Variants in GCA observed in about 807,000 individuals in gnomAD.
The protein encoded by GCA is grancalcin.
Under a neutral mutation model 32.6 loss-of-function variants are expected in GCA, and 30 were observed. The ratio of observed to expected loss-of-function variants is 0.92; its 90% CI spans 0.69 to 1.25. GCA has a LOEUF of 1.25. Among genes scored for constraint, GCA ranks in the 50% most tolerant of loss-of-function variants. GCA has a pLI of 0.00. For missense variants in GCA, 291 were observed against 266.8 expected (o/e 1.09, Z -0.63); for synonymous variants, 102 against 84.6 (o/e 1.21, Z -1.13).
Position 162,347,693 on chromosome 2 carries a change from C to T in GCA, c.143C>T (p.Ser48Phe). 1.9e-6 allele frequency: 3 copies of T among 1,607,270 alleles called. No homozygotes were observed. Among genetic ancestry groups the T allele is most frequent in the Non-Finnish European group, 2.6e-6 (3 of 1,175,638 alleles). The change falls in exon 2 of 8, where the codon TCC becomes TTC. Residue 48 changes from serine (S) to phenylalanine (F), a missense_variant. Ser to Phe is a radical substitution (Grantham distance 155). Coordinates refer to ENST00000437150, the MANE Select transcript of GCA (RefSeq NM_012198.5). ...YSGPAYSDTY[S>F]SAGDSVYTYF... Reference sequence around the variant, plus strand: ...GGGCCAGCATATTCAGACACTTATTCCTCAGCTGGTGACTCCGTGTATACT... The same window carrying T: ...GGGCCAGCATATTCAGACACTTATTTCTCAGCTGGTGACTCCGTGTATACT...
intron 2 of GCA, 84 bp downstream of exon 2, chr2:162,347,826 A>G (rs1684786961): frequency 1.2e-5 from 9 of 772,334 alleles, no homozygotes; most frequent in Non-Finnish European, 1.7e-5. Flanking sequence ...ATCATTTTAA[A>G]TGTATATGAA....
At chr2:162,364,827 T>C (rs1485210333), downstream of GCA, among the ~76,000 whole-genome samples, 1 of 151,652 alleles carries the variant, frequency 6.6e-6, no homozygotes, top group East Asian at 1.9e-4. Context: ...ACGTATGTTA[T>C]AAAAAGTTAT....
upstream of GCA, among the ~76,000 whole-genome samples, chr2:162,341,832 A>C (rs1054468012): frequency 2.0e-5 from 3 of 152,224 alleles, no homozygotes; most frequent in African/African-American, 7.2e-5. Flanking sequence ...ATGCAACTGC[A>C]TTTGTGGGTA....
intron 2 of GCA, among the ~76,000 whole-genome samples, chr2:162,351,571 A>G (rs1296811487): frequency 1.3e-5 from 2 of 152,174 alleles, no homozygotes; most frequent in African/African-American, 4.8e-5. Context: ...AATATTTCTT[A>G]GAAGTAGTTT....
In GCA at chr2:162,362,460, T is replaced by C; in HGVS notation, c.*2217T>C. 3 of 964,394 alleles carry C rather than the reference T, an allele frequency of 3.1e-6. No homozygotes were observed. The highest frequency in any genetic ancestry group is 3.7e-6 in the Non-Finnish European group (3 of 810,936). 59.7% of individuals were successfully genotyped at this position (964,394 alleles called of 1,614,324 possible). ...GATATTTTTATGATGAACATGACTG[T>C]AATATGAATATAGTATAGTAGTTTG... On this transcript the variant is annotated 3_prime_UTR_variant, in exon 8 of 8. Coordinates refer to ENST00000437150, the MANE Select transcript of GCA (RefSeq NM_012198.5).
intron 1 of GCA, among the ~76,000 whole-genome samples, chr2:162,328,218 CAAAAAAAAAAAAAA>C: frequency 1.1e-5 from 1 of 90,048 alleles, no homozygotes; most frequent in East Asian, 3.5e-4. Context: ...CTGTTTCTAC[CAAAAAAAAAAAAAA>C]AAAAAAAAAA....
chr2:162,326,668 C>T (rs1209557761), intron 1 of GCA, among the ~76,000 whole-genome samples: 1 of 152,196 alleles, frequency 6.6e-6, no homozygotes, highest in Non-Finnish European at 1.5e-5. Flanking sequence ...AGGCAAGCCC[C>T]ACCATGCCCA....
At chr2:162,346,803 C>T (rs1478881199) in intron 1 of GCA, 3 of 152,152 alleles carry the variant, frequency 2.0e-5, no homozygotes, top group African/African-American at 7.2e-5. Flanking sequence ...TTTTCATGTC[C>T]AAGCCTTTCA....
At chr2:162,356,004 C>T (rs998792628) in intron 3 of GCA, among the ~76,000 whole-genome samples, 5 of 151,924 alleles carry the variant, frequency 3.3e-5, no homozygotes, top group Admixed American at 1.3e-4. Flanking sequence ...CCCTCATTTG[C>T]CTTTCTGATG....
chr2:162,334,024 G>C (rs187101512), intron 1 of GCA, among the ~76,000 whole-genome samples: 1 of 152,284 alleles, frequency 6.6e-6, no homozygotes, highest in Admixed American at 6.5e-5. Flanking sequence ...CTTTGAAGAG[G>C]TGGCAGGGAC....
At chr2:162,359,413 C>A (rs1311783708) in intron 6 of GCA, 81 bp from the exon 7 acceptor site, 4 of 650,414 alleles carry the variant, frequency 6.1e-6, no homozygotes, top group Non-Finnish European at 5.3e-6. Flanking sequence ...TGAAATTATT[C>A]TTTTTGTGTA....
chr2:162,344,601 T>C (rs1684587591), intron 1 of GCA: 2 of 422,498 alleles, frequency 4.7e-6, no homozygotes, highest in East Asian at 8.1e-5. Context: ...TTTGTGGTAC[T>C]TCCCTCCCCC....
intron 2 of GCA, among the ~76,000 whole-genome samples, chr2:162,351,766 C>A (rs1685012772): frequency 6.6e-6 from 1 of 152,046 alleles, no homozygotes; most frequent in South Asian, 2.1e-4. Flanking sequence ...AATACTCAAC[C>A]TATTTCATTT....
downstream of GCA, chr2:162,373,764 T>G: frequency 7.4e-6 from 5 of 675,762 alleles, no homozygotes; most frequent in Non-Finnish European, 1.1e-5. Flanking sequence ...AATTATGGCC[T>G]TGCTTTAAAC....
chr2:162,331,809 G>A (rs1684094031), intron 1 of GCA, among the ~76,000 whole-genome samples: 1 of 152,164 alleles, frequency 6.6e-6, no homozygotes, highest in Non-Finnish European at 1.5e-5. Context: ...CTGAGCAGGA[G>A]AATTTGGAAA....
chr2:162,360,740 A>G lies in GCA; in HGVS notation c.*497A>G, dbSNP rs1337745650. 17 of 1,400,416 alleles carry G rather than the reference A, an allele frequency of 1.2e-5. No homozygotes were observed. In the East Asian group the frequency reaches 4.7e-4, roughly 39 times the overall value. 86.7% of individuals were successfully genotyped at this position (1,400,416 alleles called of 1,614,324 possible). ...AATATAGTTTGTTCCTTGATCAAAT[A>G]ATCAGAGAAAAGAAACTTAAAGATC... is the stretch of plus-strand genomic sequence containing the variant. On this transcript the variant is annotated 3_prime_UTR_variant, in exon 8 of 8. Coordinates refer to ENST00000437150, the MANE Select transcript of GCA (RefSeq NM_012198.5).
At chr2:162,342,644 T>A (rs909411653), upstream of GCA, among the ~76,000 whole-genome samples, 1 of 152,204 alleles carries the variant, frequency 6.6e-6, no homozygotes, top group Non-Finnish European at 1.5e-5. Flanking sequence ...AAGAAACCCA[T>A]GGGGCCTTAA....
At chr2:162,365,277 G>T (rs1685716272), downstream of GCA, among the ~76,000 whole-genome samples, 1 of 151,180 alleles carries the variant, frequency 6.6e-6, no homozygotes, top group South Asian at 2.1e-4. Flanking sequence ...AATACAACTT[G>T]TACATTTCTC....
rs569037694 is a variant in GCA, at chr2:162,362,531, T to C, written c.*2288T>C. ...AGTTCTTTTACGATGATGTAAATTA[T>C]TGAATAATGTACACTCTTAATGTAT... On this transcript the variant is annotated 3_prime_UTR_variant, in exon 8 of 8. Coordinates refer to ENST00000437150, the MANE Select transcript of GCA (RefSeq NM_012198.5). The C allele has an allele frequency of 9.3e-6, 9 of 966,074 alleles. No individual in the cohort carries two copies. In the African/African-American group the frequency reaches 1.4e-4, roughly 15 times the overall value. The allele number at this position is 966,074 out of a possible 1,614,324, so 59.8% of individuals were successfully genotyped here.
Sources: allele counts gnomAD v4.1 joint callset (sites outside exome capture counted in the v4.1 genomes callset), GRCh38; gene constraint gnomAD v4.1.1; transcripts MANE v1.5; gene names NCBI Gene and HGNC (gene_info 2026-07-23, HGNC 2026-07-21).